CCKAR: variants seen among roughly 807,000 people sequenced by gnomAD.
CCKAR encodes cholecystokinin A receptor, also known as cholecystokinin receptor type A.
CCKAR carries 21 observed loss-of-function variants against 29.8 expected under a neutral mutation model. The observed-to-expected ratio is 0.70, with a 90% CI of 0.50 to 1.01. The LOEUF (loss-of-function observed/expected upper bound fraction) is 1.01, where lower values mean the gene tolerates loss of function less well. Ranked by LOEUF, CCKAR falls within the 50% of genes least tolerant of loss-of-function variation. The pLI is 0.00. For missense variants in CCKAR, 570 were observed against 560.6 expected (o/e 1.02, Z -0.17); for synonymous variants, 238 against 221.3 (o/e 1.08, Z -0.67).
chr4:26,489,334 A>G lies in CCKAR; in HGVS notation c.263T>C (p.Leu88Pro). 1 of 1,614,134 alleles carries G rather than the reference A, an allele frequency of 6.2e-7. No homozygotes were observed. Among genetic ancestry groups the G allele is most frequent in the Non-Finnish European group, 8.5e-7 (1 of 1,180,036 alleles). The change falls in exon 2 of 5, where the codon CTC (leucine) becomes CCC (proline). Residue 88 changes from leucine (L) to proline (P), a missense_variant. Transcript: ENST00000295589. The part of the protein sequence containing the change: ...IFLLSLAVSD[L>P]MLCLFCMPFN... Reference sequence around the variant, plus strand: ...CGGCATGCAGAAGAGACAGAGCATGAGGTCGCTGACAGCCAGGGAGAGGAG... The same window carrying G: ...CGGCATGCAGAAGAGACAGAGCATGGGGTCGCTGACAGCCAGGGAGAGGAG...
In CCKAR at chr4:26,481,799, G is replaced by C. The variant is rs139441627; in HGVS notation, c.1126C>G (p.Arg376Gly). 2.1e-5 allele frequency: 34 copies of C among 1,613,846 alleles called. No individual in the cohort carries two copies. The African/African-American group carries it at 4.5e-4, about 22-fold the overall frequency. ...NPIIYCFMNK[R>G]FRLGFMATFP... ...GTGGCCATGAAGCCGAGGCGGAAGC[G>C]TTTGTTCATGAAGCAGTAGATGATG... The change falls in exon 5 of 5, where the codon CGC (arginine) becomes GGC (glycine). Residue 376 changes from arginine (R) to glycine (G), a missense_variant. Physicochemically the swap from Arg to Gly is moderately radical, Grantham distance 125 (BLOSUM62 -2). Transcript: ENST00000295589.
At chr4:26,488,805 C>G (rs1037257519) in intron 2 of CCKAR, among the ~76,000 whole-genome samples, 3 of 152,192 alleles carry the variant, frequency 2.0e-5, no homozygotes, top group African/African-American at 7.2e-5. Flanking sequence ...AAAGAACCCT[C>G]CTCCATCATC....
chr4:26,484,571 C>T (rs1737410733), intron 3 of CCKAR, among the ~76,000 whole-genome samples: 1 of 152,174 alleles, frequency 6.6e-6, no homozygotes, highest in South Asian at 2.1e-4. Flanking sequence ...AGGAACCTGA[C>T]GTTCAGAGAG....
Position 26,481,566 on chromosome 4 carries a change from G to A in CCKAR, c.*72C>T. On this transcript the variant is annotated 3_prime_UTR_variant, in exon 5 of 5. Transcript: ENST00000295589. Reference sequence around the variant, plus strand: ...CATCAGCTCTGCTCCTTCTCTTCCTGATCTCTTCTTCCGTTCTTTCTTCTC... The same window carrying A: ...CATCAGCTCTGCTCCTTCTCTTCCTAATCTCTTCTTCCGTTCTTTCTTCTC... 6.6e-7 allele frequency: 1 copy of A among 1,520,496 alleles called. No individual in the cohort carries two copies. The highest frequency in any genetic ancestry group is 9.1e-7 in the Non-Finnish European group (1 of 1,098,288). The allele number at this position is 1,520,496 out of a possible 1,614,324, so 94.2% of individuals were successfully genotyped here.
At chr4:26,482,238 C>A (rs1033183029) in intron 4 of CCKAR, 68 bp from the exon 5 acceptor site, 32 of 1,450,326 alleles carry the variant, frequency 2.2e-5, no homozygotes, top group Non-Finnish European at 3.0e-5. Flanking sequence ...ATGGAGCCCC[C>A]ACTCCCCTCC....
rs1239930949 is a variant in CCKAR at position 26,484,557 on chromosome 4, G to A, written c.626+1080C>T. The stretch of plus-strand genomic sequence containing the variant: ...ATCCACATTGTTAACTCCTTATAGA[G>A]ATAAGGAACCTGACGTTCAGAGAGC... On this transcript the variant is annotated intron_variant, in intron 3 of 4. Transcript: ENST00000295589. Among the ~76,000 whole-genome samples, 4 of 152,192 alleles carry A rather than the reference G, an allele frequency of 2.6e-5. No homozygotes were observed. In the East Asian group the frequency reaches 7.7e-4, roughly 29 times the overall value.
intron 2 of CCKAR, 54 bp downstream of exon 2, chr4:26,489,179 G>T: frequency 6.2e-7 from 1 of 1,607,516 alleles, no homozygotes. Flanking sequence ...GGAAGGTCTG[G>T]GGCTGAGTGG....
Position 26,481,543 on chromosome 4 carries a change from T to TC in CCKAR, c.*94dup. On this transcript the variant is annotated 3_prime_UTR_variant, in exon 5 of 5. Coordinates refer to ENST00000295589, the MANE Select transcript of CCKAR (RefSeq NM_000730.3). ...CTGGAGATGGAGCCTTCCTTCTCCA[T>TC]CAGCTCTGCTCCTTCTCTTCCTGAT... is the stretch of plus-strand genomic sequence containing the variant. 1 of 1,343,480 alleles carries TC rather than the reference T, an allele frequency of 7.4e-7. No individual in the cohort carries two copies. The highest frequency in any genetic ancestry group is 1.1e-6 in the Non-Finnish European group (1 of 949,822). The allele number at this position is 1,343,480 out of a possible 1,614,324, so 83.2% of individuals were successfully genotyped here.
Position 26,490,161 on chromosome 4 carries a change from G to C in CCKAR, c.107C>G (p.Ser36Cys). 2 of 1,607,608 alleles carry C rather than the reference G, an allele frequency of 1.2e-6. No individual in the cohort carries two copies. Among genetic ancestry groups the C allele is most frequent in the South Asian group, 2.2e-5 (2 of 90,898 alleles). ...TAACAGCTTCCGACACTTACCTTTG[G>C]AAGGACGGGGCTGATCCAAGCAGAA... The part of the protein sequence containing the change: ...TLFCLDQPRP[S>C]KEWQPAVQIL... The change falls in exon 1 of 5, where the codon TCC (serine) becomes TGC (cysteine). Residue 36 changes from serine (S) to cysteine (C), a missense_variant. Coordinates refer to ENST00000295589, the MANE Select transcript of CCKAR (RefSeq NM_000730.3).
intron 2 of CCKAR, among the ~76,000 whole-genome samples, chr4:26,487,712 T>A (rs1490129753): frequency 6.6e-6 from 1 of 152,178 alleles, no homozygotes; most frequent in Non-Finnish European, 1.5e-5. Flanking sequence ...AAAATTAACC[T>A]CATTTCAAAC....
intron 3 of CCKAR, 106 bp downstream of exon 3, chr4:26,485,531 C>A: frequency 1.6e-6 from 2 of 1,229,388 alleles, no homozygotes; most frequent in Admixed American, 3.9e-5. Context: ...CAAAACGTCT[C>A]CAGGAAACTG....
In CCKAR at chr4:26,482,185, G is replaced by C; in HGVS notation, c.755-15C>G. 1 of 1,593,214 alleles carries C rather than the reference G, an allele frequency of 6.3e-7. No individual in the cohort carries two copies. The highest frequency in any genetic ancestry group is 8.6e-7 in the Non-Finnish European group (1 of 1,168,186). Reference sequence around the variant, plus strand: ...AGGTTTCCTTTCTGGGTGGGCAAGAGACATCACTCATTGCTGGGGATGGGT... The same window carrying C: ...AGGTTTCCTTTCTGGGTGGGCAAGACACATCACTCATTGCTGGGGATGGGT... On this transcript the variant is annotated splice_polypyrimidine_tract_variant and intron_variant, in intron 4 of 4. Transcript: ENST00000295589.
At chr4:26,489,170 G>T in intron 2 of CCKAR, 63 bp downstream of exon 2, 1 of 1,597,442 alleles carries the variant, frequency 6.3e-7, no homozygotes, top group Non-Finnish European at 8.6e-7. Context: ...AGAGGTTTGG[G>T]AAGGTCTGGG....
chr4:26,485,716 C>A lies in CCKAR; in HGVS notation c.547G>T (p.Val183Leu), dbSNP rs1737435607. The A allele has an allele frequency of 4.3e-6, 7 of 1,614,072 alleles. No homozygotes were observed. The highest frequency in any genetic ancestry group is 5.9e-6 in the Non-Finnish European group (7 of 1,180,008). The change falls in exon 3 of 5, where the codon GTG becomes TTG. Residue 183 changes from valine (V) to leucine (L), a missense_variant. Transcript: ENST00000295589. ...TGGTTGTTATTTTTGGTAAAAGGCACCAAGTTGCTATAAATGGGGTACGGA... is the reference window on the plus strand; with the variant it reads ...TGGTTGTTATTTTTGGTAAAAGGCAACAAGTTGCTATAAATGGGGTACGGA... ...MTPYPIYSNL[V>L]PFTKNNNQTA...
Position 26,481,674 on chromosome 4 carries a change from C to G in CCKAR, c.1251G>C (p.Ser417=), listed in dbSNP as rs79677636. Residue 417 remains serine, a synonymous_variant, in exon 5 of 5, where the codon TCG becomes TCC. Transcript: ENST00000295589. ...GTTGASLSRF[S]YSHMSASVPP... is the part of the protein sequence containing the mutation. The stretch of plus-strand genomic sequence containing the variant: ...GCACCGAGGCACTCATATGGCTGTA[C>G]GAGAACCTGGACAGAGAGGCTCCTG... 8.1e-6 allele frequency: 13 copies of G among 1,614,196 alleles called. No homozygotes were observed. In the African/African-American group the frequency reaches 1.3e-4, roughly 17 times the overall value.
intron 1 of CCKAR, 91 bp from the exon 2 acceptor site, chr4:26,489,575 T>TC (rs1737518613): frequency 5.4e-6 from 8 of 1,476,700 alleles, no homozygotes; most frequent in South Asian, 5.0e-5. Flanking sequence ...CTGCCGATTT[T>TC]CCCCCCACCG....
At chr4:26,482,390 C>G (rs1737368385) in intron 4 of CCKAR, among the ~76,000 whole-genome samples, 1 of 152,158 alleles carries the variant, frequency 6.6e-6, no homozygotes, top group Admixed American at 6.5e-5. Flanking sequence ...ATAAAAACAA[C>G]ATCTTATGGA....
In CCKAR at chr4:26,481,525, T is replaced by A; in HGVS notation, c.*113A>T. 8.7e-7 allele frequency: 1 copy of A among 1,148,708 alleles called. No individual in the cohort carries two copies. The highest frequency in any genetic ancestry group is 2.3e-5 in the East Asian group (1 of 42,846). 71.2% of individuals were successfully genotyped at this position (1,148,708 alleles called of 1,614,324 possible). A position where few individuals can be genotyped will look rare whatever the true frequency, so the allele number is the denominator to read the frequency against. On this transcript the variant is annotated 3_prime_UTR_variant, in exon 5 of 5. Transcript: ENST00000295589. Reference sequence around the variant, plus strand: ...GACCTTGAAGAGTTCCCACTGGAGATGGAGCCTTCCTTCTCCATCAGCTCT... The same window carrying A: ...GACCTTGAAGAGTTCCCACTGGAGAAGGAGCCTTCCTTCTCCATCAGCTCT...
intron 1 of CCKAR, among the ~76,000 whole-genome samples, chr4:26,489,718 T>C (rs769697050): frequency 1.1e-4 from 16 of 152,232 alleles, no homozygotes; most frequent in Non-Finnish European, 2.1e-4. Context: ...AACCACTTTT[T>C]CTTAAGAACA....
Sources: allele counts gnomAD v4.1 joint callset (sites outside exome capture counted in the v4.1 genomes callset), GRCh38; gene constraint gnomAD v4.1.1; transcripts MANE v1.5; gene names NCBI Gene and HGNC (gene_info 2026-07-23, HGNC 2026-07-21).